LASP1: variants seen among roughly 807,000 people sequenced by gnomAD.
LASP1 encodes LIM and SH3 domain protein 1.
In LASP1, 10 loss-of-function variants were observed where a neutral mutation model predicts 38.6. The observed-to-expected ratio is 0.26, with a 90% CI of 0.16 to 0.44. LASP1 has a LOEUF of 0.44. Ranked by LOEUF, LASP1 falls within the 20% of genes least tolerant of loss-of-function variation. LASP1 has a pLI of 1.00. For missense variants in LASP1, 243 were observed against 375.7 expected, an observed-to-expected ratio of 0.65 and a Z score of 2.92; for synonymous variants, 132 against 140.8, an observed-to-expected ratio of 0.94 and a Z score of 0.44.
At chr17:38,902,510 G>A (rs1407840540) in intron 4 of LASP1, among the ~76,000 whole-genome samples, 3 of 151,472 alleles carry the variant, frequency 2.0e-5, no homozygotes. Flanking sequence ...GCGCCTGGGA[G>A]CTTTAAACCA....
chr17:38,918,479 G>T lies in LASP1; in HGVS notation c.613-126G>T, dbSNP rs1289526953. 1.1e-6 allele frequency: 1 copy of T among 900,304 alleles called. No homozygotes were observed. Among genetic ancestry groups the T allele is most frequent in the Admixed American group, 2.4e-5 (1 of 41,566 alleles). 55.8% of individuals were successfully genotyped at this position (900,304 alleles called of 1,614,324 possible). ...TTAAGAATCTTTGCAGCAGAGCCTGGTGCTCCATTTCTGAGTTCACTGCTC... is the reference window on the plus strand; with the variant it reads ...TTAAGAATCTTTGCAGCAGAGCCTGTTGCTCCATTTCTGAGTTCACTGCTC... On this transcript the variant is annotated intron_variant, in intron 6 of 6. Transcript: ENST00000318008. The surrounding 1 kb of genome is among the most constrained non-coding windows in gnomAD (Gnocchi z 4.4).
chr17:38,905,564 A>G (rs898630259), intron 4 of LASP1, among the ~76,000 whole-genome samples: 1 of 149,700 alleles, frequency 6.7e-6, no homozygotes, highest in Admixed American at 6.6e-5. Context: ...TGCTCCTTCA[A>G]CTTTACGAGA....
rs187262382 is a variant in LASP1 at position 38,899,697 on chromosome 17, G to C, written c.357+1178G>C. On this transcript the variant is annotated intron_variant, in intron 4 of 6. Coordinates refer to ENST00000318008, the MANE Select transcript of LASP1 (RefSeq NM_006148.4). ...CATACATTTATGTAGAGGGAAAACA[G>C]AATGGAAGCTTTCATGAATGAGTAC... Among the ~76,000 whole-genome samples the C allele has an allele frequency of 3.3e-5, 5 of 151,230 alleles. No individual in the cohort carries two copies. In the East Asian group the frequency reaches 9.8e-4, roughly 30 times the overall value.
At chr17:38,900,976 G>T (rs1020899918) in intron 4 of LASP1, among the ~76,000 whole-genome samples, 3 of 152,248 alleles carry the variant, frequency 2.0e-5, no homozygotes, top group Non-Finnish European at 2.9e-5. Flanking sequence ...AAGTGGGGGA[G>T]GGGGAAGATG....
At chr17:38,890,391 AC>A in intron 2 of LASP1, 28 bp from the exon 3 acceptor site, 1 of 1,591,430 alleles carries the variant, frequency 6.3e-7, no homozygotes, top group East Asian at 2.2e-5. Context: ...CCCCAGAGTC[AC>A]CCCCACTCTG....
intron 1 of LASP1, among the ~76,000 whole-genome samples, chr17:38,873,327 A>G (rs1913663303): frequency 6.6e-6 from 1 of 152,112 alleles, no homozygotes; most frequent in Non-Finnish European, 1.5e-5. Flanking sequence ...CCATCCCTTC[A>G]TAATAGCTAC....
chr17:38,906,931 G>A (rs2143809002), intron 4 of LASP1, among the ~76,000 whole-genome samples: 1 of 152,306 alleles, frequency 6.6e-6, no homozygotes, highest in East Asian at 1.9e-4. Flanking sequence ...CAGCTTCCAG[G>A]CTGGGGGCTG....
intron 4 of LASP1, among the ~76,000 whole-genome samples, chr17:38,902,680 CTTTA>C (rs1273838002): frequency 8.6e-5 from 13 of 151,846 alleles, no homozygotes; most frequent in Non-Finnish European, 1.8e-4. Flanking sequence ...ACTCCAGTTA[CTTTA>C]TTTATTTATT....
At position 38,914,677 on chromosome 17, in the gene LASP1, G is replaced by GACAC. The variant is rs10599326; in HGVS notation, c.508+236_508+239dup. On this transcript the variant is annotated intron_variant, in intron 5 of 6. Coordinates refer to ENST00000318008, the MANE Select transcript of LASP1 (RefSeq NM_006148.4). Reference sequence around the variant, plus strand: ...GTGGGGAGGAAGTCGGCGAGAGACAGACACACACACACACACACACACACA... The same window carrying GACAC: ...GTGGGGAGGAAGTCGGCGAGAGACAGACACACACACACACACACACACACACACA... Among the ~76,000 whole-genome samples the GACAC allele has an allele frequency of 1.4e-3, 203 of 146,764 alleles. 1 individual carries two copies. The highest frequency in any genetic ancestry group is 3.3e-3 in the South Asian group (15 of 4,524).
In LASP1 at chr17:38,882,990, TGCCCCTTCCCTTAG is replaced by T. The variant is rs111666006; in HGVS notation, c.164+4813_164+4826del. On this transcript the variant is annotated intron_variant, in intron 2 of 6. Transcript: ENST00000318008. ...TCTGGGGAGCCAGGAACTATGTTTC[TGCCCCTTCCCTTAG>T]GCATCAGATGGGAGTAGGGTGTGGT... is the stretch of plus-strand genomic sequence containing the variant. Among the ~76,000 whole-genome samples the T allele has an allele frequency of 8.4e-3, 1,284 of 152,334 alleles. 20 individuals are homozygous for T. The highest frequency in any genetic ancestry group is 0.027 in the African/African-American group (1,125 of 41,570).
Position 38,919,170 on chromosome 17 carries a change from A to G in LASP1, c.*392A>G, listed in dbSNP as rs1915225534. On this transcript the variant is annotated 3_prime_UTR_variant, in exon 7 of 7. Transcript: ENST00000318008. Reference sequence around the variant, plus strand: ...GGGTGAGCCTGACTGCCAGGACCCCAGGTCAGGGGCTCCCTACATTCCCCA... The same window carrying G: ...GGGTGAGCCTGACTGCCAGGACCCCGGGTCAGGGGCTCCCTACATTCCCCA... 3.5e-6 allele frequency: 1 copy of G among 285,218 alleles called. No individual in the cohort carries two copies. Among genetic ancestry groups the G allele is most frequent in the Non-Finnish European group, 6.8e-6 (1 of 147,792 alleles). The allele number at this position is 285,218 out of a possible 1,614,324, so 17.7% of individuals were successfully genotyped here. A position where few individuals can be genotyped will look rare whatever the true frequency, so the allele number is the denominator to read the frequency against.
rs1396720614 is a variant in LASP1, at chr17:38,920,122, G to A, written c.*1344G>A. ...GCCCTTTGCAGTGTGCAGGGTGGAA[G>A]GTAAGAGGTTGGTGTGGAGTTGGGG... On this transcript the variant is annotated 3_prime_UTR_variant, in exon 7 of 7. Transcript: ENST00000318008. 3 of 536,752 alleles carry A rather than the reference G, an allele frequency of 5.6e-6. No individual in the cohort carries two copies. Among genetic ancestry groups the A allele is most frequent in the South Asian group, 3.1e-5 (2 of 65,258 alleles). 33.2% of individuals were successfully genotyped at this position (536,752 alleles called of 1,614,324 possible). A position where few individuals can be genotyped will look rare whatever the true frequency, so the allele number is the denominator to read the frequency against.
intron 2 of LASP1, among the ~76,000 whole-genome samples, chr17:38,888,537 C>G (rs900728629): frequency 2.0e-5 from 3 of 152,200 alleles, no homozygotes; most frequent in African/African-American, 7.2e-5. Context: ...TTTGGCCTCC[C>G]AAAGTGTTGG....
chr17:38,898,957 C>T (rs1424075050), intron 4 of LASP1: 2 of 357,718 alleles, frequency 5.6e-6, no homozygotes, highest in Admixed American at 7.4e-5. Context: ...CCCACATCAG[C>T]CTGCTCTTCC....
At position 38,920,397 on chromosome 17, in the gene LASP1, G is replaced by A. The variant is rs989611044; in HGVS notation, c.*1619G>A. 5.9e-6 allele frequency: 2 copies of A among 339,156 alleles called. No homozygotes were observed. Among genetic ancestry groups the A allele is most frequent in the African/African-American group, 2.0e-5 (1 of 49,578 alleles). 21.0% of individuals were successfully genotyped at this position (339,156 alleles called of 1,614,324 possible). On this transcript the variant is annotated 3_prime_UTR_variant, in exon 7 of 7. Transcript: ENST00000318008. ...GCCTCGGGGATGGGGAGGGAAAGAC[G>A]GTGCTATATCCAGTTCCTGCTCTCT...
At chr17:38,897,144 C>A in intron 3 of LASP1, 1 of 893,956 alleles carries the variant, frequency 1.1e-6, no homozygotes, top group Non-Finnish European at 1.3e-6. Flanking sequence ...TGGGGAACAG[C>A]ACATCCAAGC....
chr17:38,899,801 G>T (rs1198927307), intron 4 of LASP1, among the ~76,000 whole-genome samples: 1 of 146,292 alleles, frequency 6.8e-6, no homozygotes, highest in African/African-American at 2.5e-5. Flanking sequence ...CTGGAGTGCA[G>T]TGGTGCTCCG....
chr17:38,909,334 A>G (rs947709140), intron 4 of LASP1, among the ~76,000 whole-genome samples: 4 of 152,154 alleles, frequency 2.6e-5, no homozygotes, highest in Non-Finnish European at 5.9e-5. Context: ...GAGGCTGGGC[A>G]CGGTGGCTCA....
At position 38,914,662 on chromosome 17, in the gene LASP1, A is replaced by G. The variant is rs376307819; in HGVS notation, c.508+187A>G. 2.6e-4 allele frequency among the ~76,000 whole-genome samples: 38 copies of G among 143,976 alleles called. 1 individual carries two copies. Among genetic ancestry groups the G allele is most frequent in the East Asian group, 1.9e-3 (9 of 4,730 alleles). 94.5% of individuals were successfully genotyped at this position (143,976 alleles called of 152,430 possible). A position where few individuals can be genotyped will look rare whatever the true frequency, so the allele number is the denominator to read the frequency against. ...GCCGGGCCAGCTGGGGTGGGGAGGA[A>G]GTCGGCGAGAGACAGACACACACAC... On this transcript the variant is annotated intron_variant, in intron 5 of 6. Coordinates refer to ENST00000318008, the MANE Select transcript of LASP1 (RefSeq NM_006148.4).
Sources: allele counts gnomAD v4.1 joint callset (sites outside exome capture counted in the v4.1 genomes callset), GRCh38; gene constraint gnomAD v4.1.1; non-coding constraint Gnocchi (gnomAD v3.1); transcripts MANE v1.5; gene names NCBI Gene and HGNC (gene_info 2026-07-23, HGNC 2026-07-21).